The following NRCAM variants were observed in gnomAD, a reference collection of about 807,000 sequenced individuals.
The protein encoded by NRCAM is neuronal cell adhesion molecule.
NRCAM carries 83 observed loss-of-function variants against 156.5 expected under a neutral mutation model. That is an observed-to-expected ratio of 0.53 (90% CI 0.44 to 0.64). NRCAM has a LOEUF of 0.64. NRCAM is among the 30% of genes least tolerant of loss of function. The pLI, the probability that NRCAM is intolerant of heterozygous loss-of-function variation, is 0.00. For synonymous variants in NRCAM, 538 were observed against 563.9 expected (o/e 0.95, Z 0.65); for missense variants, 1,417 against 1,597.3 (o/e 0.89, Z 1.92).
At chr7:108,217,749 T>C (rs1213013361) in intron 11 of NRCAM, among the ~76,000 whole-genome samples, 1 of 152,124 alleles carries the variant, frequency 6.6e-6, no homozygotes, top group African/African-American at 2.4e-5. Flanking sequence ...CAAGCCTCAG[T>C]AATGGCAGAT....
intron 14 of NRCAM, 43 bp from the exon 15 acceptor site, chr7:108,195,915 T>G: frequency 8.3e-7 from 1 of 1,205,150 alleles, no homozygotes; most frequent in South Asian, 1.3e-5. Context: ...TAGAATACAT[T>G]TTAGGACTAT....
intron 1 of NRCAM, among the ~76,000 whole-genome samples, chr7:108,405,465 T>C (rs1383629450): frequency 2.6e-5 from 4 of 152,154 alleles, no homozygotes; most frequent in Admixed American, 2.6e-4. Flanking sequence ...AATAATCCCA[T>C]AAGGTGGACA....
chr7:108,152,230 A>G (rs970485500), intron 32 of NRCAM, among the ~76,000 whole-genome samples: 1 of 152,172 alleles, frequency 6.6e-6, no homozygotes, highest in African/African-American at 2.4e-5. Flanking sequence ...CTGGCATTTA[A>G]TAAGATGTCC....
chr7:108,411,767 G>A (rs1047996209), intron 1 of NRCAM, among the ~76,000 whole-genome samples: 6 of 152,010 alleles, frequency 3.9e-5, no homozygotes, highest in South Asian at 4.2e-4. Flanking sequence ...TCCCGACCTC[G>A]TGATCTGCCC....
At chr7:108,202,980 TGGCCACAGCCTTG>T (rs2078996581) in intron 13 of NRCAM, among the ~76,000 whole-genome samples, 1 of 152,158 alleles carries the variant, frequency 6.6e-6, no homozygotes, top group South Asian at 2.1e-4. Context: ...GGAATCACAG[TGGCCACAGCCTTG>T]GGCACCACCA....
intron 1 of NRCAM, among the ~76,000 whole-genome samples, chr7:108,443,429 A>T (rs773400795): frequency 8.5e-5 from 13 of 152,218 alleles, no homozygotes; most frequent in Non-Finnish European, 1.5e-4. Context: ...CCAAATAGAC[A>T]GTGGTGCTGC....
chr7:108,346,849 T>C (rs911994809), intron 2 of NRCAM, among the ~76,000 whole-genome samples: 14 of 151,970 alleles, frequency 9.2e-5, no homozygotes, highest in African/African-American at 3.4e-4. Context: ...GAAGATTTAG[T>C]AGGAAAAAAG....
rs571505214 is a variant in NRCAM at position 108,197,681 on chromosome 7, T to C, written c.1351+275A>G. ...ATAGCAGACAAATGCTATTTTCCTT[T>C]TGAGGGTTTGACACTTAGTCTAACC... On this transcript the variant is annotated intron_variant, in intron 14 of 32. Transcript: ENST00000379028. Among the ~76,000 whole-genome samples, 4 of 152,320 alleles carry C rather than the reference T, an allele frequency of 2.6e-5. No homozygotes were observed. The South Asian group carries it at 8.3e-4, about 32-fold the overall frequency.
chr7:108,412,052 A>G (rs1377882858), intron 1 of NRCAM, among the ~76,000 whole-genome samples: 1 of 152,244 alleles, frequency 6.6e-6, no homozygotes, highest in Non-Finnish European at 1.5e-5. Flanking sequence ...TTGATAAAAA[A>G]TATCAAATTG....
At chr7:108,412,854 C>T (rs1230738595) in intron 1 of NRCAM, among the ~76,000 whole-genome samples, 1 of 152,116 alleles carries the variant, frequency 6.6e-6, no homozygotes, top group African/African-American at 2.4e-5. Flanking sequence ...CAGGTTCATC[C>T]ATGTTGTCGT....
rs9987047 is a variant in NRCAM, at chr7:108,182,581, G to A, written c.2530+114C>T. The A allele has an allele frequency of 2.5e-3, 2,069 of 835,416 alleles. 22 individuals are homozygous for A. The highest frequency in any genetic ancestry group is 0.022 in the African/African-American group (1,291 of 59,154). The allele number at this position is 835,416 out of a possible 1,614,324, so 51.8% of individuals were successfully genotyped here. On this transcript the variant is annotated intron_variant, in intron 23 of 32. Coordinates refer to ENST00000379028, the MANE Select transcript of NRCAM (RefSeq NM_001037132.4). ...CAGGCTGTTTAAATTCAGAGAAGTC[G>A]TGCAAAATAATTGCCACCTCCCTCC...
intron 8 of NRCAM, among the ~76,000 whole-genome samples, chr7:108,227,033 C>A (rs1365047943): frequency 6.6e-6 from 1 of 152,208 alleles, no homozygotes; most frequent in Non-Finnish European, 1.5e-5. Flanking sequence ...CAATTCTTTT[C>A]TGAATTAATT....
At chr7:108,394,716 T>C (rs1397603883) in intron 2 of NRCAM, among the ~76,000 whole-genome samples, 1 of 152,218 alleles carries the variant, frequency 6.6e-6, no homozygotes. Flanking sequence ...CTATCAATAA[T>C]GTACATGTCC....
intron 10 of NRCAM, among the ~76,000 whole-genome samples, chr7:108,225,223 G>C (rs1470082997): frequency 6.6e-6 from 1 of 152,150 alleles, no homozygotes; most frequent in Non-Finnish European, 1.5e-5. Flanking sequence ...CAAGTGTGAT[G>C]ATTTACTATG....
At chr7:108,167,745 T>G (rs1233266238) in intron 29 of NRCAM, among the ~76,000 whole-genome samples, 1 of 152,222 alleles carries the variant, frequency 6.6e-6, no homozygotes, top group African/African-American at 2.4e-5. Context: ...CATCTCCCAG[T>G]AGATGTGGCC....
chr7:108,385,645 A>C (rs1229056563), intron 2 of NRCAM, among the ~76,000 whole-genome samples: 1 of 152,208 alleles, frequency 6.6e-6, no homozygotes, highest in South Asian at 2.1e-4. Flanking sequence ...TCAGTAGATT[A>C]GTTCAATAAT....
At chr7:108,246,433 CAGAG>C (rs1319291189) in intron 3 of NRCAM, among the ~76,000 whole-genome samples, 1 of 152,034 alleles carries the variant, frequency 6.6e-6, no homozygotes, top group South Asian at 2.1e-4. Context: ...GAATGTGAGA[CAGAG>C]AGAGAGTGAG....
rs1308722423 is a variant in NRCAM, at chr7:108,171,097, T to TC, written c.3188-2696dup. On this transcript the variant is annotated intron_variant, in intron 28 of 32. Transcript: ENST00000379028. ...GAATTCGAACTCTCCTTCCTTTTAA[T>TC]CCCCACTCATCCACCTTCTCACTCA... 3.3e-5 allele frequency among the ~76,000 whole-genome samples: 5 copies of TC among 152,278 alleles called. No individual in the cohort carries two copies. The South Asian group carries it at 8.3e-4, about 25-fold the overall frequency.
intron 2 of NRCAM, among the ~76,000 whole-genome samples, chr7:108,364,908 GATA>G (rs914365855): frequency 2.0e-4 from 31 of 152,290 alleles, no homozygotes; most frequent in South Asian, 1.5e-3. Context: ...TTTGAAGTCA[GATA>G]ATGATGATGG....
Sources: gnomAD v4.1 joint callset for allele counts (sites outside exome capture counted in the v4.1 genomes callset) on GRCh38, gnomAD v4.1.1 for gene constraint, MANE v1.5 for transcripts, NCBI Gene and HGNC (gene_info 2026-07-23, HGNC 2026-07-21) for gene names.